Variants in MORC3 observed in about 807,000 individuals in gnomAD.
The protein encoded by MORC3 is MORC family CW-type zinc finger 3.
Under a neutral mutation model 109.1 loss-of-function variants are expected in MORC3, and 31 were observed. The observed-to-expected ratio is 0.28, with a 90% CI of 0.21 to 0.38. The LOEUF is 0.38. Ranked by LOEUF, MORC3 falls within the 10% of genes least tolerant of loss-of-function variation. The probability of loss-of-function intolerance (pLI) is 1.00; values close to 1 mark genes in which losing one functional copy is unlikely to be tolerated. For missense variants in MORC3, 867 were observed against 1,135.8 expected (o/e 0.76, Z 3.40); for synonymous variants, 395 against 380.7 (o/e 1.04, Z -0.44).
chr21:36,330,254 G>T (rs1320222006), intron 1 of MORC3, among the ~76,000 whole-genome samples: 1 of 151,910 alleles, frequency 6.6e-6, no homozygotes, highest in African/African-American at 2.4e-5. Flanking sequence ...AGTCTCATAA[G>T]AAAACATTTT....
Position 36,330,883 on chromosome 21 carries a change from G to A in MORC3, c.40-2763G>A, listed in dbSNP as rs893853249. Among the ~76,000 whole-genome samples, 8 of 152,298 alleles carry A rather than the reference G, an allele frequency of 5.3e-5. No individual in the cohort carries two copies. In the East Asian group the frequency reaches 7.7e-4, roughly 15 times the overall value. On this transcript the variant is annotated intron_variant, in intron 1 of 16. Coordinates refer to ENST00000400485, the MANE Select transcript of MORC3 (RefSeq NM_015358.3). Reference sequence around the variant, plus strand: ...AGTTTCATTAAGAACTGTTTGTGATGTGTGCTTTAGAAAGTCTTGAGTTAC... The same window carrying A: ...AGTTTCATTAAGAACTGTTTGTGATATGTGCTTTAGAAAGTCTTGAGTTAC...
chr21:36,345,557 G>C (rs986956510), intron 8 of MORC3, among the ~76,000 whole-genome samples: 1 of 152,020 alleles, frequency 6.6e-6, no homozygotes, highest in Admixed American at 6.6e-5. Context: ...AAGTAGCTGG[G>C]ACTACAGGCA....
chr21:36,324,292 T>C (rs1286985207), intron 1 of MORC3, among the ~76,000 whole-genome samples: 1 of 151,820 alleles, frequency 6.6e-6, no homozygotes, highest in Non-Finnish European at 1.5e-5. Flanking sequence ...TTTTTTTTTT[T>C]GAGATGGAGT....
At chr21:36,326,544 A>G (rs1451114882) in intron 1 of MORC3, among the ~76,000 whole-genome samples, 1 of 152,096 alleles carries the variant, frequency 6.6e-6, no homozygotes, top group Non-Finnish European at 1.5e-5. Context: ...TAAAATGTTT[A>G]TTTCTTACTG....
Position 36,356,691 on chromosome 21 carries a change from A to C in MORC3, c.1175A>C (p.Glu392Ala). The change falls in exon 10 of 17, where the codon GAA becomes GCA. Residue 392 changes from glutamate (E) to alanine (A), a missense_variant. Coordinates refer to ENST00000400485, the MANE Select transcript of MORC3 (RefSeq NM_015358.3). ...GAAATGAAAGTGAAGAAAAATACAG[A>C]ATATCCTCTAAATTTGCCAGTTGAA... is the stretch of plus-strand genomic sequence containing the variant. Reference protein sequence around the residue: ...WNEMKVKKNTEYPLNLPVEDI... With the variant: ...WNEMKVKKNTAYPLNLPVEDI... 6.3e-7 allele frequency: 1 copy of C among 1,599,694 alleles called. No individual in the cohort carries two copies. The highest frequency in any genetic ancestry group is 8.5e-7 in the Non-Finnish European group (1 of 1,173,560).
intron 3 of MORC3, among the ~76,000 whole-genome samples, chr21:36,337,342 G>A (rs922691277): frequency 8.7e-4 from 132 of 152,224 alleles, no homozygotes; most frequent in African/African-American, 3.0e-3. Context: ...ACTTTTAGAG[G>A]AAGAGATTCA....
chr21:36,340,038 G>T (rs565594255), intron 5 of MORC3, among the ~76,000 whole-genome samples: 1 of 152,112 alleles, frequency 6.6e-6, no homozygotes, highest in Non-Finnish European at 1.5e-5. Flanking sequence ...CAGCACTTTG[G>T]GAGGCTGAGG....
chr21:36,343,712 G>T (rs527366916), intron 6 of MORC3, among the ~76,000 whole-genome samples: 285 of 152,104 alleles, frequency 1.9e-3, no homozygotes, highest in African/African-American at 6.2e-3. Flanking sequence ...CTCCCAAAGT[G>T]CTGGGATTAC....
At chr21:36,370,093 G>A (rs760170531) in intron 15 of MORC3, among the ~76,000 whole-genome samples, 2 of 152,048 alleles carry the variant, frequency 1.3e-5, no homozygotes, top group African/African-American at 4.8e-5. Context: ...TTAGCCTAGC[G>A]TGGTGGTGGG....
intron 6 of MORC3, among the ~76,000 whole-genome samples, chr21:36,343,449 CTTT>C (rs147660327): frequency 1.3e-3 from 165 of 126,098 alleles, no homozygotes; most frequent in East Asian, 2.4e-3. Context: ...TTTTTGCTTT[CTTT>C]TTTTTTTTTT....
At chr21:36,365,719 T>C (rs2085773463) in intron 14 of MORC3, among the ~76,000 whole-genome samples, 2 of 152,238 alleles carry the variant, frequency 1.3e-5, no homozygotes, top group East Asian at 1.9e-4. Context: ...TAGCTGGGGT[T>C]ACAGGCACGC....
At chr21:36,362,311 G>A in intron 13 of MORC3, 83 bp downstream of exon 13, 1 of 1,447,454 alleles carries the variant, frequency 6.9e-7, no homozygotes, top group South Asian at 1.3e-5. Context: ...GGGAGGCCGA[G>A]GCAGGTGGAT....
chr21:36,322,668 G>A lies in MORC3; in HGVS notation c.39+2365G>A, dbSNP rs149257337. On this transcript the variant is annotated intron_variant, in intron 1 of 16. Coordinates refer to ENST00000400485, the MANE Select transcript of MORC3 (RefSeq NM_015358.3). ...ATTACAGGCCTGAGCCACTGTGCCC[G>A]GCCCAATGTATACACATTTTAAACA... Among the ~76,000 whole-genome samples, 155 of 152,272 alleles carry A rather than the reference G, an allele frequency of 1.0e-3. 3 individuals carry two copies. In the East Asian group the frequency reaches 0.025, roughly 24 times the overall value.
intron 15 of MORC3, 144 bp from the exon 16 acceptor site, chr21:36,372,229 GA>G (rs2085878078): frequency 1.6e-6 from 1 of 626,268 alleles, no homozygotes; most frequent in African/African-American, 1.9e-5. Flanking sequence ...CTTGTTTATA[GA>G]AAACTACTGG....
chr21:36,349,508 TTAGTAA>T, intron 9 of MORC3, 100 bp downstream of exon 9: 1 of 709,688 alleles, frequency 1.4e-6, no homozygotes, highest in Non-Finnish European at 2.2e-6. Flanking sequence ...AAATACCTTA[TTAGTAA>T]AGAAAGGTTT....
chr21:36,345,669 C>T (rs1279566492), intron 8 of MORC3, among the ~76,000 whole-genome samples: 1 of 152,132 alleles, frequency 6.6e-6, no homozygotes, highest in Non-Finnish European at 1.5e-5. Flanking sequence ...ATCTGCCTGC[C>T]TCAGCCTCCC....
At chr21:36,360,529 TA>T (rs576929575) in intron 12 of MORC3, 2 of 337,732 alleles carry the variant, frequency 5.9e-6, no homozygotes, top group Non-Finnish European at 9.7e-6. Context: ...CATTAGTGAA[TA>T]CCCCCCCCAT....
chr21:36,330,912 T>C (rs2085307672), intron 1 of MORC3, among the ~76,000 whole-genome samples: 2 of 152,242 alleles, frequency 1.3e-5, no homozygotes, highest in Admixed American at 1.3e-4. Flanking sequence ...GAGTTACCTA[T>C]ACTCCATATT....
chr21:36,356,560 A>T lies in MORC3; in HGVS notation c.1104-60A>T, dbSNP rs1425834906. ...ACAGTGTCTATGTACTCATTACTAG[A>T]TTATTTATGATTTATGTTTGAAAAG... On this transcript the variant is annotated intron_variant, in intron 9 of 16. Transcript: ENST00000400485. The T allele has an allele frequency of 3.6e-6, 4 of 1,112,324 alleles. No individual in the cohort carries two copies. The East Asian group carries it at 7.5e-5, about 21-fold the overall frequency. 68.9% of individuals were successfully genotyped at this position (1,112,324 alleles called of 1,614,324 possible).
Sources: gnomAD v4.1 joint callset for allele counts (sites outside exome capture counted in the v4.1 genomes callset) on GRCh38, gnomAD v4.1.1 for gene constraint, MANE v1.5 for transcripts, NCBI Gene and HGNC (gene_info 2026-07-23, HGNC 2026-07-21) for gene names.